Variants in EAPP observed in about 807,000 individuals in gnomAD.
EAPP encodes the protein E2F-associated phosphoprotein.
Under a neutral mutation model 34.3 loss-of-function variants are expected in EAPP, and 38 were observed. The observed-to-expected ratio is 1.11, with a 90% CI of 0.85 to 1.45. EAPP has a LOEUF of 1.45. Among genes scored for constraint, EAPP ranks in the 40% most tolerant of loss-of-function variants. EAPP has a pLI of 0.00. For synonymous variants in EAPP, 113 were observed against 117.6 expected (o/e 0.96, Z 0.25); for missense variants, 338 against 343.7 (o/e 0.98, Z 0.13).
At chr14:34,529,523 C>A in intron 3 of EAPP, 48 bp from the exon 4 acceptor site, 1 of 1,275,984 alleles carries the variant, frequency 7.8e-7, no homozygotes, top group South Asian at 1.3e-5. Flanking sequence ...GTGTCAAGTT[C>A]ACACTTCTTT....
intron 5 of EAPP, among the ~76,000 whole-genome samples, chr14:34,518,506 G>T (rs1025232195): frequency 1.3e-5 from 2 of 151,268 alleles, no homozygotes; most frequent in Non-Finnish European, 2.9e-5. Context: ...GCTAATTTTG[G>T]TATTTTTGTG....
At chr14:34,524,871 AT>A in intron 4 of EAPP, 64 bp from the exon 5 acceptor site, 1 of 1,299,116 alleles carries the variant, frequency 7.7e-7, no homozygotes. Context: ...TTCTAGTGTC[AT>A]TTTCCAATAA....
intron 5 of EAPP, among the ~76,000 whole-genome samples, chr14:34,520,979 C>G (rs1251811206): frequency 6.6e-6 from 1 of 152,032 alleles, no homozygotes; most frequent in African/African-American, 2.4e-5. Context: ...TGTTATATGC[C>G]TGGGGGTGGT....
chr14:34,535,135 C>CT (rs35642543), intron 2 of EAPP, among the ~76,000 whole-genome samples: 53,251 of 138,738 alleles, frequency 0.38, 11,331 homozygotes, highest in East Asian at 0.68. Context: ...CACGCCTGGC[C>CT]TTTTTTTTTT....
chr14:34,518,591 G>A (rs764563023), intron 5 of EAPP, among the ~76,000 whole-genome samples: 58 of 151,744 alleles, frequency 3.8e-4, no homozygotes, highest in Non-Finnish European at 7.1e-4. Flanking sequence ...TCGGCCTCCT[G>A]AAGTGTTGGG....
intron 4 of EAPP, among the ~76,000 whole-genome samples, chr14:34,528,937 C>T (rs1255147277): frequency 6.6e-6 from 1 of 151,678 alleles, no homozygotes; most frequent in Non-Finnish European, 1.5e-5. Flanking sequence ...GGGTTCGAGA[C>T]CAGCCTGGCC....
Position 34,516,569 on chromosome 14 carries a change from G to C in EAPP, c.599C>G (p.Thr200Ser), listed in dbSNP as rs1879740643. ...LDCQRHESYK[T>S]QYRAMFVMNC... ...CATTACAAACATTGCTCTATATTGA[G>C]TTTTGTATGATTCATGCCTAAGAGA... is the stretch of plus-strand genomic sequence containing the variant. Residue 200 changes from threonine (T) to serine (S), a missense_variant, in exon 6 of 6, where the codon ACT becomes AGT. Transcript: ENST00000250454. The C allele has an allele frequency of 3.1e-6, 5 of 1,612,368 alleles. No individual in the cohort carries two copies. Among genetic ancestry groups the C allele is most frequent in the Non-Finnish European group, 4.2e-6 (5 of 1,179,418 alleles).
chr14:34,529,423 G>A lies in EAPP; in HGVS notation c.405C>T (p.Asp135=), dbSNP rs371524970. ...KKKQHKIPTN[D]ELLYDPEKDN... is the part of the protein sequence containing the mutation. ...CTTTTTCAGGATCATACAGTAATTC[G>A]TCATTTGTTGGAATCTTGTGTTGTT... The change falls in exon 4 of 6, where the codon GAC becomes GAT. Residue 135 remains aspartate (D), a synonymous_variant. Coordinates refer to ENST00000250454, the MANE Select transcript of EAPP (RefSeq NM_018453.4). 60 of 1,613,050 alleles carry A rather than the reference G, an allele frequency of 3.7e-5. No homozygotes were observed. The highest frequency in any genetic ancestry group is 5.3e-5 in the African/African-American group (4 of 74,816).
Position 34,516,529 on chromosome 14 carries a change from G to C in EAPP, c.639C>G (p.Asn213Lys). The change falls in exon 6 of 6, where the codon AAC (asparagine) becomes AAG (lysine). Residue 213 changes from asparagine to lysine, a missense_variant. Transcript: ENST00000250454. The stretch of plus-strand genomic sequence containing the variant: ...CTTTATATCTTAGAACCTCCTCTTT[G>C]TTAATAGAACAATTCATTACAAACA... ...RAMFVMNCSI[N>K]KEEVLRYKAS... 2 of 1,613,922 alleles carry C rather than the reference G, an allele frequency of 1.2e-6. No homozygotes were observed. Among genetic ancestry groups the C allele is most frequent in the Non-Finnish European group, 1.7e-6 (2 of 1,179,936 alleles).
At chr14:34,517,615 TTC>T (rs1326430638) in intron 5 of EAPP, among the ~76,000 whole-genome samples, 1 of 152,044 alleles carries the variant, frequency 6.6e-6, no homozygotes, top group African/African-American at 2.4e-5. Context: ...TATTTGGGCC[TTC>T]TCTCTTTTTT....
chr14:34,530,727 A>AAT (rs754932825), intron 3 of EAPP, among the ~76,000 whole-genome samples: 22 of 151,798 alleles, frequency 1.4e-4, no homozygotes, highest in Non-Finnish European at 2.4e-4. Flanking sequence ...ATGATGTATG[A>AAT]ATATATATAT....
intron 3 of EAPP, among the ~76,000 whole-genome samples, chr14:34,532,419 GC>G (rs1434017923): frequency 2.7e-5 from 4 of 150,672 alleles, no homozygotes; most frequent in African/African-American, 9.8e-5. Context: ...AGATGGTGGT[GC>G]CATCGCACTC....
At chr14:34,522,742 G>A (rs1016870807) in intron 5 of EAPP, among the ~76,000 whole-genome samples, 2 of 152,188 alleles carry the variant, frequency 1.3e-5, no homozygotes, top group South Asian at 4.1e-4. Context: ...GGGTCCCAAA[G>A]AGGATAGGGA....
intron 2 of EAPP, 34 bp from the exon 3 acceptor site, chr14:34,533,573 A>G: frequency 7.1e-7 from 1 of 1,414,924 alleles, no homozygotes; most frequent in Middle Eastern, 1.8e-4. Context: ...TACAGACTAA[A>G]TCATACATAA....
At chr14:34,519,040 T>C (rs1192326588) in intron 5 of EAPP, among the ~76,000 whole-genome samples, 1 of 152,122 alleles carries the variant, frequency 6.6e-6, no homozygotes, top group African/African-American at 2.4e-5. Context: ...TCATGTCAAA[T>C]TGTAATCTCC....
At chr14:34,520,678 AT>A (rs1687210457) in intron 5 of EAPP, among the ~76,000 whole-genome samples, 1 of 149,596 alleles carries the variant, frequency 6.7e-6, no homozygotes, top group African/African-American at 2.5e-5. Context: ...ATTTTTTAAT[AT>A]TTTTAGTACA....
intron 5 of EAPP, among the ~76,000 whole-genome samples, chr14:34,518,325 A>AT (rs71404852): frequency 0.29 from 21,603 of 73,696 alleles, 6,476 homozygotes; most frequent in East Asian, 0.5. Context: ...CTCCCTTTAG[A>AT]TTTTTTTTTT....
chr14:34,519,701 T>C (rs375629932), intron 5 of EAPP, among the ~76,000 whole-genome samples: 92 of 152,112 alleles, frequency 6.0e-4, no homozygotes, highest in African/African-American at 1.9e-3. Context: ...TGCTGCTTTT[T>C]TTCTGGTTGT....
At chr14:34,536,012 T>TG in intron 2 of EAPP, 82 bp downstream of exon 2, 1 of 980,904 alleles carries the variant, frequency 1.0e-6, no homozygotes. Context: ...CTGAAAGTGC[T>TG]GGGAACATAG....
Sources: gnomAD v4.1 joint callset for allele counts (sites outside exome capture counted in the v4.1 genomes callset) on GRCh38, gnomAD v4.1.1 for gene constraint, MANE v1.5 for transcripts, NCBI Gene and HGNC (gene_info 2026-07-23, HGNC 2026-07-21) for gene names.